NELL1: variants seen among roughly 807,000 people sequenced by gnomAD.
NELL1 encodes the protein protein kinase C-binding protein NELL1.
Under a neutral mutation model 107.4 loss-of-function variants are expected in NELL1, and 76 were observed. That is an observed-to-expected ratio of 0.71 (90% CI 0.59 to 0.86). The LOEUF (loss-of-function observed/expected upper bound fraction) is 0.86. Among genes scored for constraint, NELL1 ranks in the 40% least tolerant of loss-of-function variants. The pLI is 0.00. For missense variants in NELL1, 1,024 were observed against 1,005.5 expected, an observed-to-expected ratio of 1.02 and a Z score of -0.25; for synonymous variants, 353 against 341.2, an observed-to-expected ratio of 1.03 and a Z score of -0.38.
chr11:20,760,635 T>A (rs1214504785), intron 2 of NELL1, among the ~76,000 whole-genome samples: 1 of 152,190 alleles, frequency 6.6e-6, no homozygotes, highest in African/African-American at 2.4e-5. Context: ...GGGCTTACGG[T>A]GATGGATGTC....
chr11:21,273,690 C>G (rs1412844501), intron 14 of NELL1, among the ~76,000 whole-genome samples: 2 of 152,208 alleles, frequency 1.3e-5, no homozygotes, highest in East Asian at 1.9e-4. Context: ...ACCCATCAGA[C>G]TAACAGCTGA....
chr11:21,135,446 AT>A lies in NELL1; in HGVS notation c.1426+21735del, dbSNP rs559820796. Among the ~76,000 whole-genome samples the A allele has an allele frequency of 2.8e-4, 43 of 152,264 alleles. No individual in the cohort carries two copies. In the East Asian group the frequency reaches 8.1e-3, roughly 29 times the overall value. On this transcript the variant is annotated intron_variant, in intron 13 of 19. Transcript: ENST00000357134. The stretch of plus-strand genomic sequence containing the variant: ...GGAGGCGTTTTGTTTATATGACCAG[AT>A]TTACCAACTAAATGGAGGATGCAAT...
intron 14 of NELL1, among the ~76,000 whole-genome samples, chr11:21,340,524 A>G (rs1314549394): frequency 6.6e-6 from 1 of 151,926 alleles, no homozygotes; most frequent in Non-Finnish European, 1.5e-5. Context: ...TCAGAATGGG[A>G]CTTTACTTGG....
intron 15 of NELL1, among the ~76,000 whole-genome samples, chr11:21,484,110 T>G (rs1249447339): frequency 1.4e-5 from 2 of 147,656 alleles, no homozygotes; most frequent in South Asian, 4.3e-4. Context: ...GTAGCGGAAC[T>G]TAAGGATAAT....
chr11:21,513,452 C>T lies in NELL1; in HGVS notation c.1646-20922C>T, dbSNP rs561161993. 1.5e-3 allele frequency among the ~76,000 whole-genome samples: 235 copies of T among 152,144 alleles called. 1 individual carries two copies. Among genetic ancestry groups the T allele is most frequent in the Middle Eastern group, 3.4e-3 (1 of 294 alleles). ...ATCAGAAAAAAATACTTTTGCCAGACTATAATAACTATTATTTGTGATTCT... is the reference window on the plus strand; with the variant it reads ...ATCAGAAAAAAATACTTTTGCCAGATTATAATAACTATTATTTGTGATTCT... On this transcript the variant is annotated intron_variant, in intron 15 of 19. Coordinates refer to ENST00000357134, the MANE Select transcript of NELL1 (RefSeq NM_006157.5).
chr11:20,708,879 TG>T (rs1855041665), intron 2 of NELL1, among the ~76,000 whole-genome samples: 1 of 152,068 alleles, frequency 6.6e-6, no homozygotes, highest in African/African-American at 2.4e-5. Context: ...TGGACTGTGG[TG>T]GGGGCAGGCG....
rs386373299 is a variant in NELL1, at chr11:21,519,551, T to TG, written c.1646-14823_1646-14822insG. Among the ~76,000 whole-genome samples, 123 of 151,598 alleles carry TG rather than the reference T, an allele frequency of 8.1e-4. 1 individual carries two copies. Among genetic ancestry groups the TG allele is most frequent in the African/African-American group, 2.8e-3 (117 of 41,368 alleles). Reference sequence around the variant, plus strand: ...TTGTTTTGTTTTGTTTTTTGTTTTTTTTTTTAGATTAAGAGGGCAATACTC... The same window carrying TG: ...TTGTTTTGTTTTGTTTTTTGTTTTTTGTTTTTAGATTAAGAGGGCAATACTC... On this transcript the variant is annotated intron_variant, in intron 15 of 19. Transcript: ENST00000357134.
intron 4 of NELL1, among the ~76,000 whole-genome samples, chr11:20,861,222 C>T (rs1208969015): frequency 6.6e-6 from 1 of 152,084 alleles, no homozygotes; most frequent in Non-Finnish European, 1.5e-5. Flanking sequence ...TATTTCTGTT[C>T]TTCAGATATT....
chr11:21,336,492 T>C, intron 14 of NELL1, among the ~76,000 whole-genome samples: 1 of 151,870 alleles, frequency 6.6e-6, no homozygotes, highest in South Asian at 2.1e-4. Flanking sequence ...AACCTGGTTT[T>C]CTCAAAATTA....
chr11:21,221,579 GT>G (rs1281218265), intron 13 of NELL1, among the ~76,000 whole-genome samples: 1 of 152,100 alleles, frequency 6.6e-6, no homozygotes, highest in Non-Finnish European at 1.5e-5. Flanking sequence ...GGTCTGTCCA[GT>G]TTTCCTATTT....
chr11:21,544,602 C>G (rs1185933731), intron 16 of NELL1, among the ~76,000 whole-genome samples: 1 of 151,848 alleles, frequency 6.6e-6, no homozygotes, highest in Non-Finnish European at 1.5e-5. Context: ...CTTCTAAGAG[C>G]TTGACATTTC....
At chr11:21,097,409 AG>A (rs1590632445) in intron 12 of NELL1, among the ~76,000 whole-genome samples, 1 of 152,238 alleles carries the variant, frequency 6.6e-6, no homozygotes, top group East Asian at 1.9e-4. Context: ...AAAGGACACC[AG>A]GGGGTTTTTA....
intron 13 of NELL1, among the ~76,000 whole-genome samples, chr11:21,155,441 A>G (rs1368776844): frequency 1.3e-5 from 2 of 152,292 alleles, no homozygotes; most frequent in East Asian, 1.9e-4. Context: ...AGAAGAGAGA[A>G]TAGAACTCTA....
intron 15 of NELL1, among the ~76,000 whole-genome samples, chr11:21,385,141 T>C (rs932120677): frequency 6.6e-6 from 1 of 151,904 alleles, no homozygotes; most frequent in Non-Finnish European, 1.5e-5. Flanking sequence ...TGTGTTATTG[T>C]TCTTCGGAGC....
At chr11:21,422,774 C>CAA (rs150197560) in intron 15 of NELL1, among the ~76,000 whole-genome samples, 12 of 150,938 alleles carry the variant, frequency 8.0e-5, no homozygotes, top group African/African-American at 2.7e-4. Flanking sequence ...ATATCAGGGA[C>CAA]AAAAAAAATT....
chr11:20,895,669 C>G (rs1849720899), intron 5 of NELL1, among the ~76,000 whole-genome samples: 1 of 151,904 alleles, frequency 6.6e-6, no homozygotes, highest in South Asian at 2.1e-4. Context: ...CCATGCCCGG[C>G]TAATTTTTTT....
intron 15 of NELL1, among the ~76,000 whole-genome samples, chr11:21,382,299 T>G: frequency 6.6e-6 from 1 of 151,950 alleles, no homozygotes; most frequent in East Asian, 1.9e-4. Flanking sequence ...TTTACAAGTG[T>G]TGCAAACATA....
intron 13 of NELL1, among the ~76,000 whole-genome samples, chr11:21,146,326 A>T (rs774268802): frequency 6.6e-6 from 1 of 152,214 alleles, no homozygotes; most frequent in Non-Finnish European, 1.5e-5. Context: ...GATATAAAAA[A>T]GAAGGATGAG....
At chr11:21,544,695 A>G (rs554850964) in intron 16 of NELL1, among the ~76,000 whole-genome samples, 106 of 152,076 alleles carry the variant, frequency 7.0e-4, no homozygotes, top group African/African-American at 2.6e-3. Context: ...CCTGTACTTT[A>G]TATTATGAAT....
Sources: allele counts gnomAD v4.1 joint callset (sites outside exome capture counted in the v4.1 genomes callset), GRCh38; gene constraint gnomAD v4.1.1; transcripts MANE v1.5; gene names NCBI Gene and HGNC (gene_info 2026-07-23, HGNC 2026-07-21).